Variants in FBXL5 observed in about 807,000 individuals in gnomAD.
The protein encoded by FBXL5 is F-box/LRR-repeat protein 5.
A neutral mutation model predicts 78.3 loss-of-function variants in FBXL5; 26 were observed. The observed-to-expected ratio is 0.33, with a 90% CI of 0.24 to 0.46. The LOEUF (loss-of-function observed/expected upper bound fraction) is 0.46, where lower values mean the gene tolerates loss of function less well. FBXL5 is among the 20% of genes least tolerant of loss of function. The probability of loss-of-function intolerance (pLI) is 1.00; values close to 1 mark genes in which losing one functional copy is unlikely to be tolerated. For missense variants in FBXL5, 710 were observed against 829.2 expected (o/e 0.86, Z 1.77); for synonymous variants, 295 against 282.5 (o/e 1.04, Z -0.45).
intron 1 of FBXL5, among the ~76,000 whole-genome samples, chr4:15,650,432 G>C (rs994784814): frequency 2.6e-5 from 4 of 151,992 alleles, no homozygotes; most frequent in African/African-American, 9.7e-5. Context: ...TTTTAATGCT[G>C]TTTCGGACCC....
intron 9 of FBXL5, among the ~76,000 whole-genome samples, chr4:15,614,968 G>A (rs1261611823): frequency 6.6e-6 from 1 of 152,172 alleles, no homozygotes; most frequent in African/African-American, 2.4e-5. Flanking sequence ...GCCAGCTGGA[G>A]TTCCGGGTGG....
intron 1 of FBXL5, among the ~76,000 whole-genome samples, chr4:15,647,903 C>T (rs1221537319): frequency 1.3e-5 from 2 of 152,134 alleles, no homozygotes; most frequent in African/African-American, 4.8e-5. Context: ...ACCCAGGCTG[C>T]AGTGCAGTGG....
chr4:15,660,726 G>C (rs1043672017), upstream of FBXL5, among the ~76,000 whole-genome samples: 10 of 152,124 alleles, frequency 6.6e-5, no homozygotes, highest in Non-Finnish European at 1.3e-4. Flanking sequence ...GTGTAAAAAG[G>C]ACTCTCCCAG....
intron 2 of FBXL5, among the ~76,000 whole-genome samples, chr4:15,642,091 G>A (rs1323649711): frequency 6.6e-6 from 1 of 151,666 alleles, no homozygotes; most frequent in Admixed American, 6.6e-5. Context: ...CACTTCTAAA[G>A]GCAAGGTGCT....
intron 1 of FBXL5, among the ~76,000 whole-genome samples, chr4:15,676,948 A>G (rs1041980001): frequency 3.9e-5 from 6 of 152,250 alleles, no homozygotes; most frequent in Non-Finnish European, 8.8e-5. Context: ...GCCCAATACA[A>G]TTATCTAACA....
chr4:15,669,849 A>G (rs1286864311), intron 1 of FBXL5, among the ~76,000 whole-genome samples: 2 of 152,210 alleles, frequency 1.3e-5, no homozygotes, highest in Admixed American at 6.5e-5. Flanking sequence ...TTTATGAACT[A>G]TATTTATAAT....
chr4:15,634,051 A>G (rs1713968314), intron 5 of FBXL5, among the ~76,000 whole-genome samples: 1 of 152,216 alleles, frequency 6.6e-6, no homozygotes, highest in Non-Finnish European at 1.5e-5. Context: ...CTAGATGCCA[A>G]TATGATACCC....
intron 2 of FBXL5, among the ~76,000 whole-genome samples, chr4:15,641,127 G>A (rs1714829196): frequency 6.6e-6 from 1 of 151,984 alleles, no homozygotes; most frequent in Admixed American, 6.6e-5. Flanking sequence ...GCACGTATCT[G>A]CCCACAGCTT....
At chr4:15,669,887 C>T (rs1195046294) in intron 1 of FBXL5, among the ~76,000 whole-genome samples, 2 of 152,084 alleles carry the variant, frequency 1.3e-5, no homozygotes, top group Non-Finnish European at 2.9e-5. Context: ...TCCAACTTAT[C>T]CAAGGGTTCC....
intron 1 of FBXL5, among the ~76,000 whole-genome samples, chr4:15,666,558 G>A (rs1717554882): frequency 6.6e-6 from 1 of 151,876 alleles, no homozygotes; most frequent in South Asian, 2.1e-4. Flanking sequence ...GTAGACAGGA[G>A]GAATAGGTTT....
intron 8 of FBXL5, 140 bp from the exon 9 acceptor site, chr4:15,626,117 T>A: frequency 1.2e-6 from 1 of 808,778 alleles, no homozygotes; most frequent in Non-Finnish European, 1.9e-6. Flanking sequence ...TATCTATTGT[T>A]AAGGTACTAT....
intron 1 of FBXL5, among the ~76,000 whole-genome samples, chr4:15,677,673 C>G (rs1718045315): frequency 6.6e-6 from 1 of 152,172 alleles, no homozygotes. Context: ...AAGTTTTGCA[C>G]CCTCTGTCCT....
chr4:15,644,498 C>T lies in FBXL5; in HGVS notation c.295G>A (p.Val99Ile). The T allele has an allele frequency of 1.9e-6, 3 of 1,607,342 alleles. No homozygotes were observed. Among genetic ancestry groups the T allele is most frequent in the Non-Finnish European group, 2.6e-6 (3 of 1,174,378 alleles). ...TATCCATTTTTGCAACTTACCTTAA[C>T]ATTCTTCAGTCCCTTTTCAAAGAGG... ...LSLFEKGLKN[V>I]KNEYEQLNYA... is the part of the protein sequence containing the mutation. Residue 99 changes from valine to isoleucine, a missense_variant, in exon 2 of 11, where the codon GTT becomes ATT. Transcript: ENST00000341285.
chr4:15,659,754 T>C (rs889571424), upstream of FBXL5: 4 of 984,520 alleles, frequency 4.1e-6, no homozygotes, highest in Admixed American at 1.8e-4. Context: ...TTAGTAAATA[T>C]TGCCAAGTGA....
upstream of FBXL5, chr4:15,655,467 C>G: frequency 1.2e-5 from 11 of 880,126 alleles, no homozygotes; most frequent in Non-Finnish European, 1.5e-5. Context: ...GCGATCCCTG[C>G]GGCCCACGTG....
intron 2 of FBXL5, 98 bp downstream of exon 2, chr4:15,644,395 A>G: frequency 1.0e-6 from 1 of 975,876 alleles, no homozygotes; most frequent in East Asian, 2.5e-5. Flanking sequence ...TTTTTTCAAC[A>G]TTACATCATT....
intron 1 of FBXL5, among the ~76,000 whole-genome samples, chr4:15,650,455 T>C (rs1466194863): frequency 2.6e-5 from 4 of 152,148 alleles, no homozygotes; most frequent in African/African-American, 9.7e-5. Flanking sequence ...AAAAGAGATT[T>C]ATGACCTACT....
intron 1 of FBXL5, among the ~76,000 whole-genome samples, chr4:15,650,977 T>G (rs1307709273): frequency 6.6e-6 from 1 of 152,184 alleles, no homozygotes; most frequent in Non-Finnish European, 1.5e-5. Context: ...AAATCAAGTA[T>G]TACAGCCTGG....
intron 4 of FBXL5, among the ~76,000 whole-genome samples, chr4:15,637,949 T>C (rs1436541553): frequency 1.3e-5 from 2 of 150,778 alleles, no homozygotes; most frequent in Non-Finnish European, 2.9e-5. Context: ...TTCTCATTTG[T>C]ATTCTCAGAG....
Sources: gnomAD v4.1 joint callset for allele counts (sites outside exome capture counted in the v4.1 genomes callset) on GRCh38, gnomAD v4.1.1 for gene constraint, MANE v1.5 for transcripts, NCBI Gene and HGNC (gene_info 2026-07-23, HGNC 2026-07-21) for gene names.